Variants in PBK observed in about 807,000 individuals in gnomAD.
The protein encoded by PBK is lymphokine-activated killer T-cell-originated protein kinase.
A neutral mutation model predicts 33.5 loss-of-function variants in PBK; 22 were observed. The observed-to-expected ratio is 0.66, with a 90% CI of 0.47 to 0.94. The LOEUF (loss-of-function observed/expected upper bound fraction) is 0.94. Among genes scored for constraint, PBK ranks in the 40% least tolerant of loss-of-function variants. The pLI is 0.00. For missense variants in PBK, 376 were observed against 383.4 expected (o/e 0.98, Z 0.16); for synonymous variants, 129 against 123.8 (o/e 1.04, Z -0.28).
intron 5 of PBK, 109 bp from the exon 6 acceptor site, chr8:27,820,803 A>C: frequency 1.7e-6 from 1 of 595,638 alleles, no homozygotes; most frequent in Non-Finnish European, 2.8e-6. Flanking sequence ...CTCTAGGTTT[A>C]CATTTGTCCA....
intron 6 of PBK, among the ~76,000 whole-genome samples, chr8:27,814,859 A>T (rs1007612467): frequency 9.2e-5 from 14 of 152,236 alleles, no homozygotes; most frequent in African/African-American, 1.7e-4. Flanking sequence ...CAACAAATAT[A>T]CTCTATGATT....
intron 2 of PBK, among the ~76,000 whole-genome samples, chr8:27,829,981 T>A (rs1157445711): frequency 1.3e-5 from 2 of 151,280 alleles, no homozygotes; most frequent in African/African-American, 4.9e-5. Context: ...GGCAGGTGGA[T>A]CACTTGAGGC....
At position 27,826,720 on chromosome 8, in the gene PBK, A is replaced by T. The variant is rs958029903; in HGVS notation, c.152+1385T>A. Among the ~76,000 whole-genome samples, 2 of 109,652 alleles carry T rather than the reference A, an allele frequency of 1.8e-5. 1 individual carries two copies. Among genetic ancestry groups the T allele is most frequent in the Admixed American group, 1.7e-4 (2 of 11,484 alleles). 71.9% of individuals were successfully genotyped at this position (109,652 alleles called of 152,430 possible). A position where few individuals can be genotyped will look rare whatever the true frequency, so the allele number is the denominator to read the frequency against. ...CTGAGGCAGGAGAATGGCGTGAACC[A>T]GGGAGGCGGAGCTTGCAGTGAGCCG... On this transcript the variant is annotated intron_variant, in intron 3 of 7. Coordinates refer to ENST00000301905, the MANE Select transcript of PBK (RefSeq NM_018492.4).
Position 27,826,775 on chromosome 8 carries a change from G to A in PBK, c.152+1330C>T, listed in dbSNP as rs931020309. ...CGCGCCACTGCACTCCAGCCTGGGCGACAGAGCGAGACTCCGTCTCAAAAA... is the reference window on the plus strand; with the variant it reads ...CGCGCCACTGCACTCCAGCCTGGGCAACAGAGCGAGACTCCGTCTCAAAAA... On this transcript the variant is annotated intron_variant, in intron 3 of 7. Coordinates refer to ENST00000301905, the MANE Select transcript of PBK (RefSeq NM_018492.4). Among the ~76,000 whole-genome samples, 37 of 97,040 alleles carry A rather than the reference G, an allele frequency of 3.8e-4. 3 individuals carry two copies. The highest frequency in any genetic ancestry group is 1.2e-3 in the African/African-American group (24 of 19,894). The allele number at this position is 97,040 out of a possible 152,430, so 63.7% of individuals were successfully genotyped here.
At chr8:27,823,037 G>T in intron 4 of PBK, 26 bp downstream of exon 4, 1 of 1,503,818 alleles carries the variant, frequency 6.6e-7, no homozygotes, top group Non-Finnish European at 9.2e-7. Flanking sequence ...TAATATACCA[G>T]ATACTGCTAC....
intron 6 of PBK, among the ~76,000 whole-genome samples, chr8:27,820,360 T>C (rs1805895691): frequency 6.6e-6 from 1 of 152,126 alleles, no homozygotes; most frequent in Non-Finnish European, 1.5e-5. Flanking sequence ...CTAATACTAC[T>C]ACTAATAATA....
intron 6 of PBK, among the ~76,000 whole-genome samples, chr8:27,819,106 A>G (rs1010489418): frequency 3.3e-5 from 5 of 152,148 alleles, no homozygotes; most frequent in Non-Finnish European, 7.4e-5. Flanking sequence ...CTGTAGCTTT[A>G]TAAAACTTTT....
Position 27,833,272 on chromosome 8 carries a change from AC to A in PBK, c.-20-140del, listed in dbSNP as rs1806164706. ...TTTGGGAGGCTGAGGTGGGTGGATCACCTGAGGTCGGTGGATCACCTGAGGT... is the reference window on the plus strand; with the variant it reads ...TTTGGGAGGCTGAGGTGGGTGGATCACTGAGGTCGGTGGATCACCTGAGGT... On this transcript the variant is annotated intron_variant, in intron 1 of 7. Transcript: ENST00000301905. 124 of 376,008 alleles carry A rather than the reference AC, an allele frequency of 3.3e-4. 1 individual carries two copies. The South Asian group carries it at 4.6e-3, about 14-fold the overall frequency. 23.3% of individuals were successfully genotyped at this position (376,008 alleles called of 1,614,324 possible).
intron 6 of PBK, among the ~76,000 whole-genome samples, chr8:27,818,034 G>C (rs1315496172): frequency 1.3e-5 from 2 of 152,132 alleles, no homozygotes; most frequent in Non-Finnish European, 2.9e-5. Flanking sequence ...TACTGTATTG[G>C]ACAGTACCAC....
In PBK at chr8:27,816,359, T is replaced by TA. The variant is rs1563489324; in HGVS notation, c.595+4205_595+4206insT. ...CATCGAATACTATATATATATATAT[T>TA]TATTTATTTATTTATTTATTTTAAT... On this transcript the variant is annotated intron_variant, in intron 6 of 7. Coordinates refer to ENST00000301905, the MANE Select transcript of PBK (RefSeq NM_018492.4). Among the ~76,000 whole-genome samples, 626 of 126,692 alleles carry TA rather than the reference T, an allele frequency of 4.9e-3. 20 individuals are homozygous for TA. The highest frequency in any genetic ancestry group is 0.018 in the African/African-American group (557 of 31,714). 83.1% of individuals were successfully genotyped at this position (126,692 alleles called of 152,430 possible). A position where few individuals can be genotyped will look rare whatever the true frequency, so the allele number is the denominator to read the frequency against.
At chr8:27,816,343 C>CTTATATATA (rs1554559818) in intron 6 of PBK, among the ~76,000 whole-genome samples, 4 of 136,384 alleles carry the variant, frequency 2.9e-5, no homozygotes, top group African/African-American at 1.2e-4. Context: ...TCATCGAATA[C>CTTATATATA]TATATATATA....
chr8:27,826,890 CTT>C (rs932569360), intron 3 of PBK, among the ~76,000 whole-genome samples: 2 of 140,444 alleles, frequency 1.4e-5, no homozygotes, highest in East Asian at 2.0e-4. Flanking sequence ...CATTTAAAAA[CTT>C]TTTTTAAAAA....
chr8:27,810,202 C>G lies in PBK; in HGVS notation c.*103G>C, dbSNP rs1052874. 102,892 of 776,534 alleles carry G rather than the reference C, an allele frequency of 0.13. 8,800 individuals carry two copies. The highest frequency in any genetic ancestry group is 0.34 in the East Asian group (13,012 of 38,492). The allele number at this position is 776,534 out of a possible 1,614,324, so 48.1% of individuals were successfully genotyped here. On this transcript the variant is annotated 3_prime_UTR_variant, in exon 8 of 8. Coordinates refer to ENST00000301905, the MANE Select transcript of PBK (RefSeq NM_018492.4). Reference sequence around the variant, plus strand: ...TATGTTAACAAGAAACTATGGTCCTCAAATATGCCAATTTTAGAGTCTAAT... The same window carrying G: ...TATGTTAACAAGAAACTATGGTCCTGAAATATGCCAATTTTAGAGTCTAAT...
intron 7 of PBK, among the ~76,000 whole-genome samples, 197 bp from the exon 8 acceptor site, chr8:27,810,698 C>T (rs961716787): frequency 7.2e-5 from 11 of 151,984 alleles, no homozygotes; most frequent in African/African-American, 2.7e-4. Context: ...GGTTATCGAC[C>T]CCTACTTTTA....
At chr8:27,828,744 C>CAAAAAAAAAAAAA (rs34388320) in intron 2 of PBK, among the ~76,000 whole-genome samples, 1 of 82,602 alleles carries the variant, frequency 1.2e-5, no homozygotes, top group African/African-American at 4.7e-5. Context: ...GACACAGTCT[C>CAAAAAAAAAAAAA]AAAAAAAAAA....
At chr8:27,827,581 T>C (rs926757802) in intron 3 of PBK, among the ~76,000 whole-genome samples, 1 of 152,350 alleles carries the variant, frequency 6.6e-6, no homozygotes, top group African/African-American at 2.4e-5. Context: ...TTGACAGCTA[T>C]ATTGGCACCA....
intron 3 of PBK, among the ~76,000 whole-genome samples, chr8:27,827,780 G>A (rs1585432466): frequency 6.6e-6 from 1 of 152,160 alleles, no homozygotes; most frequent in Non-Finnish European, 1.5e-5. Context: ...CTTCCTCTTT[G>A]AGGTTTTCTC....
At chr8:27,830,314 G>GT (rs1806105260) in intron 2 of PBK, among the ~76,000 whole-genome samples, 1 of 108,030 alleles carries the variant, frequency 9.3e-6, no homozygotes, top group Admixed American at 8.7e-5. Context: ...TGAGCATAAC[G>GT]GAAAAAAAAA....
intron 5 of PBK, 130 bp from the exon 6 acceptor site, chr8:27,820,824 A>ATT (rs71553893): frequency 8.2e-3 from 3,142 of 384,178 alleles, no homozygotes; most frequent in Middle Eastern, 0.019. Flanking sequence ...GCGTTTCAAA[A>ATT]TTTTTTTTTT....
Sources: gnomAD v4.1 joint callset for allele counts (sites outside exome capture counted in the v4.1 genomes callset) on GRCh38, gnomAD v4.1.1 for gene constraint, MANE v1.5 for transcripts, NCBI Gene and HGNC (gene_info 2026-07-23, HGNC 2026-07-21) for gene names.